ATP8B4: variants seen among roughly 807,000 people sequenced by gnomAD.
The protein encoded by ATP8B4 is probable phospholipid-transporting ATPase IM.
A neutral mutation model predicts 145.6 loss-of-function variants in ATP8B4; 133 were observed. That is an observed-to-expected ratio of 0.91 (90% CI 0.79 to 1.05). ATP8B4 has a LOEUF of 1.05. ATP8B4 is among the 50% of genes least tolerant of loss of function. The pLI is 0.00. For missense variants in ATP8B4, 1,458 were observed against 1,425.2 expected (o/e 1.02, Z -0.37); for synonymous variants, 507 against 492.9 (o/e 1.03, Z -0.38).
At chr15:50,021,116 TATGA>T (rs1306333755) in intron 6 of ATP8B4, among the ~76,000 whole-genome samples, 1 of 141,248 alleles carries the variant, frequency 7.1e-6, no homozygotes, top group Non-Finnish European at 1.5e-5. Context: ...TGATGGTGAT[TATGA>T]TAGATAGATA....
At position 49,901,023 on chromosome 15, in the gene ATP8B4, A is replaced by G. The variant is rs889033325; in HGVS notation, c.2289+69T>C. 2.9e-5 allele frequency: 45 copies of G among 1,541,152 alleles called. No homozygotes were observed. The African/African-American group carries it at 5.7e-4, about 19-fold the overall frequency. On this transcript the variant is annotated intron_variant, in intron 21 of 27. Coordinates refer to ENST00000284509, the MANE Select transcript of ATP8B4 (RefSeq NM_024837.4). ...TGGAAAAGACAAAGGAGGTCTCATT[A>G]TGATAGCACAAAAGAGATGATTATT...
chr15:49,899,238 T>C (rs1363872514), intron 21 of ATP8B4, among the ~76,000 whole-genome samples: 1 of 152,116 alleles, frequency 6.6e-6, no homozygotes, highest in Non-Finnish European at 1.5e-5. Flanking sequence ...AAAATATCAC[T>C]CTCTCCAGGA....
chr15:49,978,081 C>T (rs1380646075), intron 12 of ATP8B4, among the ~76,000 whole-genome samples: 1 of 152,002 alleles, frequency 6.6e-6, no homozygotes, highest in African/African-American at 2.4e-5. Context: ...AAAAATCAAT[C>T]TTTCAAATCA....
At chr15:50,168,476 T>C (rs951252219) in intron 1 of ATP8B4, among the ~76,000 whole-genome samples, 5 of 152,166 alleles carry the variant, frequency 3.3e-5, no homozygotes, top group African/African-American at 1.2e-4. Flanking sequence ...CTGAGTCAAT[T>C]TGGAGAGCCG....
In ATP8B4 at chr15:49,972,933, C is replaced by A. The variant is rs2045307472; in HGVS notation, c.1035-143G>T. 7.2e-6 allele frequency: 5 copies of A among 698,122 alleles called. No individual in the cohort carries two copies. The East Asian group carries it at 1.4e-4, about 19-fold the overall frequency. 43.2% of individuals were successfully genotyped at this position (698,122 alleles called of 1,614,324 possible). ...TGCTCTGTCCCTAGGTCCCAGGGAT[C>A]TTCAGAAGCTTCTCAACAGAGTCTG... On this transcript the variant is annotated intron_variant, in intron 12 of 27. Transcript: ENST00000284509.
chr15:49,884,104 T>C (rs1213261905), intron 23 of ATP8B4, among the ~76,000 whole-genome samples: 3 of 152,208 alleles, frequency 2.0e-5, no homozygotes, highest in Non-Finnish European at 4.4e-5. Context: ...TTCACTATTT[T>C]TTAACAAATT....
chr15:50,084,096 G>A (rs1326218475), intron 2 of ATP8B4, among the ~76,000 whole-genome samples: 1 of 152,136 alleles, frequency 6.6e-6, no homozygotes, highest in Non-Finnish European at 1.5e-5. Context: ...ACCATGGAGT[G>A]TGCAGGGTTA....
At chr15:50,101,342 A>G (rs1043050752) in intron 2 of ATP8B4, among the ~76,000 whole-genome samples, 1 of 152,132 alleles carries the variant, frequency 6.6e-6, no homozygotes, top group Non-Finnish European at 1.5e-5. Flanking sequence ...CAAAAACAAC[A>G]GAAACCTGTG....
intron 2 of ATP8B4, among the ~76,000 whole-genome samples, chr15:50,076,590 C>T (rs1297444557): frequency 6.6e-6 from 1 of 152,186 alleles, no homozygotes; most frequent in East Asian, 1.9e-4. Context: ...CCAAAGCAGC[C>T]AAGTAGTTTC....
At chr15:50,081,847 C>T (rs2153643002) in intron 2 of ATP8B4, among the ~76,000 whole-genome samples, 1 of 152,336 alleles carries the variant, frequency 6.6e-6, no homozygotes, top group South Asian at 2.1e-4. Context: ...GTTTAGAAAA[C>T]AGCCTCAGGC....
intron 23 of ATP8B4, among the ~76,000 whole-genome samples, chr15:49,881,687 T>G (rs1001443032): frequency 6.6e-6 from 1 of 152,288 alleles, no homozygotes; most frequent in Admixed American, 6.5e-5. Context: ...AAAAGCTGGC[T>G]GGCACTCCCT....
At chr15:50,072,924 CT>C (rs1567305665) in intron 3 of ATP8B4, among the ~76,000 whole-genome samples, 390 of 10,534 alleles carry the variant, frequency 0.037, 17 homozygotes, top group African/African-American at 0.079. Flanking sequence ...TGCCCGGCCT[CT>C]CTCTCTCTCT....
At chr15:50,099,938 G>A (rs2056238891) in intron 2 of ATP8B4, among the ~76,000 whole-genome samples, 2 of 151,102 alleles carry the variant, frequency 1.3e-5, no homozygotes, top group Non-Finnish European at 2.9e-5. Context: ...GGGAGGCTGA[G>A]GCAGGAGAAT....
At chr15:50,004,497 C>T (rs899411913) in intron 7 of ATP8B4, among the ~76,000 whole-genome samples, 2 of 152,150 alleles carry the variant, frequency 1.3e-5, no homozygotes, top group African/African-American at 4.8e-5. Context: ...TCCAGTAAAT[C>T]CTACGGGGAC....
intron 1 of ATP8B4, among the ~76,000 whole-genome samples, chr15:50,158,590 C>CAA (rs2044467116): frequency 6.6e-6 from 1 of 152,234 alleles, no homozygotes; most frequent in South Asian, 2.1e-4. Context: ...GGCCACCACC[C>CAA]CGTCTGGGAG....
intron 23 of ATP8B4, among the ~76,000 whole-genome samples, chr15:49,885,232 T>C (rs1342510720): frequency 1.3e-5 from 2 of 152,180 alleles, no homozygotes; most frequent in Admixed American, 1.3e-4. Context: ...CCTCAGGACA[T>C]TTGCACTGGC....
rs150162374 is a variant in ATP8B4 at position 49,897,166 on chromosome 15, A to C, written c.2697+126T>G. 7 of 848,060 alleles carry C rather than the reference A, an allele frequency of 8.3e-6. No homozygotes were observed. The South Asian group carries it at 1.1e-4, about 13-fold the overall frequency. 52.5% of individuals were successfully genotyped at this position (848,060 alleles called of 1,614,324 possible). ...CTATCAATTACATAATTGTAATACT[A>C]TTACTTGAATCAGCCATTAAAAAAT... On this transcript the variant is annotated intron_variant, in intron 23 of 27. Coordinates refer to ENST00000284509, the MANE Select transcript of ATP8B4 (RefSeq NM_024837.4).
intron 1 of ATP8B4, among the ~76,000 whole-genome samples, chr15:50,150,125 G>T (rs551390246): frequency 3.3e-5 from 5 of 152,174 alleles, no homozygotes; most frequent in African/African-American, 1.2e-4. Context: ...TTTCATAGTG[G>T]TTTTTGAGAT....
chr15:50,032,433 A>G (rs1451818834), intron 6 of ATP8B4, among the ~76,000 whole-genome samples: 1 of 152,128 alleles, frequency 6.6e-6, no homozygotes, highest in Admixed American at 6.6e-5. Flanking sequence ...CCAGTCTATC[A>G]TTGATGGGCA....
Sources: gnomAD v4.1 joint callset for allele counts (sites outside exome capture counted in the v4.1 genomes callset) on GRCh38, gnomAD v4.1.1 for gene constraint, MANE v1.5 for transcripts, NCBI Gene and HGNC (gene_info 2026-07-23, HGNC 2026-07-21) for gene names.